The following SIPA1L3 variants were observed in gnomAD, a reference collection of about 807,000 sequenced individuals.
The protein encoded by SIPA1L3 is signal induced proliferation associated 1 like 3, also known as signal-induced proliferation-associated 1-like protein 3.
SIPA1L3 carries 59 observed loss-of-function variants against 150.1 expected under a neutral mutation model. The observed-to-expected ratio is 0.39, with a 90% CI of 0.32 to 0.49. The LOEUF (loss-of-function observed/expected upper bound fraction) is 0.49, where lower values mean the gene tolerates loss of function less well. SIPA1L3 is among the 20% of genes least tolerant of loss of function. SIPA1L3 has a pLI of 0.86. For missense variants in SIPA1L3, 2,211 were observed against 2,489.5 expected, an observed-to-expected ratio of 0.89 and a Z score of 2.38; for synonymous variants, 1,070 against 1,077.6, an observed-to-expected ratio of 0.99 and a Z score of 0.14.
At chr19:37,948,268 C>T (rs1219018364) in intron 1 of SIPA1L3, among the ~76,000 whole-genome samples, 1 of 152,042 alleles carries the variant, frequency 6.6e-6, no homozygotes, top group Non-Finnish European at 1.5e-5. Flanking sequence ...TGAGAAGAGC[C>T]CAGCCTGGGC....
chr19:37,953,309 C>T (rs751047151), intron 1 of SIPA1L3, among the ~76,000 whole-genome samples: 7 of 152,136 alleles, frequency 4.6e-5, no homozygotes, highest in Non-Finnish European at 5.9e-5. Context: ...CCTGGCGTAT[C>T]GCATCATGTT....
At chr19:38,197,967 A>G (rs1972999969) in intron 18 of SIPA1L3, among the ~76,000 whole-genome samples, 1 of 147,660 alleles carries the variant, frequency 6.8e-6, no homozygotes, top group South Asian at 2.1e-4. Context: ...TGGGACCCAC[A>G]GGCCCCACAC....
chr19:38,166,846 A>G (rs942660513), intron 15 of SIPA1L3, among the ~76,000 whole-genome samples: 3 of 151,744 alleles, frequency 2.0e-5, no homozygotes, highest in African/African-American at 7.3e-5. Context: ...GCCTCTCTCC[A>G]CACAGGACAC....
intron 15 of SIPA1L3, among the ~76,000 whole-genome samples, chr19:38,166,283 G>A (rs1017450783): frequency 4.0e-5 from 6 of 151,462 alleles, no homozygotes; most frequent in African/African-American, 1.5e-4. Context: ...GTGAAACCCC[G>A]TCTCTACTTA....
chr19:38,142,596 C>G lies in SIPA1L3; in HGVS notation c.3419C>G (p.Pro1140Arg). Reference protein sequence around the residue: ...SKRPVSFPETPYTVSPAGADR... With the variant: ...SKRPVSFPETRYTVSPAGADR... ...AGGCCTGTCAGCTTCCCAGAAACCCCTTACACAGTATCACCAGCAGGGGCC... is the reference window on the plus strand; with the variant it reads ...AGGCCTGTCAGCTTCCCAGAAACCCGTTACACAGTATCACCAGCAGGGGCC... The change falls in exon 12 of 22, where the codon CCT becomes CGT. Residue 1140 changes from proline to arginine, a missense_variant. Physicochemically the swap from Pro to Arg is moderately radical, Grantham distance 103. Coordinates refer to ENST00000222345, the MANE Select transcript of SIPA1L3 (RefSeq NM_015073.3). 6.2e-7 allele frequency: 1 copy of G among 1,613,874 alleles called. No individual in the cohort carries two copies. The highest frequency in any genetic ancestry group is 8.5e-7 in the Non-Finnish European group (1 of 1,179,864).
intron 6 of SIPA1L3, among the ~76,000 whole-genome samples, chr19:38,103,085 T>C (rs925494267): frequency 1.7e-4 from 25 of 150,834 alleles, no homozygotes; most frequent in Admixed American, 4.0e-4. Context: ...ACCGCACCAT[T>C]GCACTCCAGC....
At chr19:37,941,983 T>C (rs1599820933) in intron 1 of SIPA1L3, among the ~76,000 whole-genome samples, 1 of 152,306 alleles carries the variant, frequency 6.6e-6, no homozygotes, top group Admixed American at 6.5e-5. Context: ...TTGGGATCAG[T>C]TATTCATTAT....
chr19:38,098,464 GGCT>G (rs1444146562), intron 4 of SIPA1L3, among the ~76,000 whole-genome samples: 1 of 141,670 alleles, frequency 7.1e-6, no homozygotes, highest in African/African-American at 2.7e-5. Flanking sequence ...GCACAATCTT[GGCT>G]CACTGCAACC....
chr19:38,014,494 C>CCAA (rs1334557411), intron 1 of SIPA1L3, among the ~76,000 whole-genome samples: 1 of 151,834 alleles, frequency 6.6e-6, no homozygotes, highest in Non-Finnish European at 1.5e-5. Context: ...CACGTCCACC[C>CCAA]CAAGCTCAGC....
rs2145937989 is a variant in SIPA1L3, at chr19:38,140,476, A to G, written c.3144-708A>G. Among the ~76,000 whole-genome samples the G allele has an allele frequency of 2.6e-5, 4 of 152,062 alleles. No individual in the cohort carries two copies. In the Middle Eastern group the frequency reaches 0.014, roughly 517 times the overall value. The stretch of plus-strand genomic sequence containing the variant: ...GCTGCCTTTAAGATTCTTTGGAACA[A>G]GGCAGTTACTGTCCTTTGATTCTGA... On this transcript the variant is annotated intron_variant, in intron 10 of 21. Coordinates refer to ENST00000222345, the MANE Select transcript of SIPA1L3 (RefSeq NM_015073.3).
intron 4 of SIPA1L3, among the ~76,000 whole-genome samples, chr19:38,098,587 G>T (rs1970432312): frequency 1.3e-5 from 2 of 151,990 alleles, no homozygotes; most frequent in Admixed American, 1.3e-4. Flanking sequence ...TGGAGACAGG[G>T]TTTTGCCATG....
At chr19:37,914,137 C>T (rs963889523) in intron 1 of SIPA1L3, among the ~76,000 whole-genome samples, 4 of 151,504 alleles carry the variant, frequency 2.6e-5, no homozygotes, top group Admixed American at 6.6e-5. Context: ...GGCAAGATGG[C>T]GGTGGTTACC....
chr19:37,937,027 A>G (rs764121083), intron 1 of SIPA1L3, among the ~76,000 whole-genome samples: 5 of 151,940 alleles, frequency 3.3e-5, no homozygotes, highest in African/African-American at 1.2e-4. Flanking sequence ...TGGTTGGCTA[A>G]TTTTTTTCAT....
chr19:37,924,909 C>T (rs1449130129), intron 1 of SIPA1L3, among the ~76,000 whole-genome samples: 1 of 151,146 alleles, frequency 6.6e-6, no homozygotes, highest in Non-Finnish European at 1.5e-5. Flanking sequence ...ATTAGCTGGG[C>T]GACGTGGCGT....
chr19:37,925,415 T>C (rs2046494460), intron 1 of SIPA1L3, among the ~76,000 whole-genome samples: 1 of 151,934 alleles, frequency 6.6e-6, no homozygotes, highest in African/African-American at 2.4e-5. Context: ...GCAAAGGCCC[T>C]GAGGTGAGGG....
chr19:38,174,133 C>CA (rs1222923136), intron 15 of SIPA1L3, among the ~76,000 whole-genome samples: 5 of 152,110 alleles, frequency 3.3e-5, no homozygotes, highest in African/African-American at 1.2e-4. Flanking sequence ...GCCGCTCTGA[C>CA]AATACAGGTG....
At chr19:38,132,530 G>T (rs902922743) in intron 10 of SIPA1L3, among the ~76,000 whole-genome samples, 2 of 147,120 alleles carry the variant, frequency 1.4e-5, no homozygotes, top group African/African-American at 5.1e-5. Context: ...GTTGCGGTGA[G>T]CTGAGATCGT....
At chr19:37,959,856 G>A (rs1469257155) in intron 1 of SIPA1L3, among the ~76,000 whole-genome samples, 1 of 145,830 alleles carries the variant, frequency 6.9e-6, no homozygotes, top group Non-Finnish European at 1.5e-5. Context: ...AGGGATCACA[G>A]CATGCGTCTA....
intron 16 of SIPA1L3, among the ~76,000 whole-genome samples, chr19:38,190,191 A>G (rs1243133742): frequency 6.6e-6 from 1 of 151,982 alleles, no homozygotes; most frequent in Non-Finnish European, 1.5e-5. Flanking sequence ...GCCTGTGGGC[A>G]GTGCACTGGC....
Sources: gnomAD v4.1 joint callset for allele counts (sites outside exome capture counted in the v4.1 genomes callset) on GRCh38, gnomAD v4.1.1 for gene constraint, MANE v1.5 for transcripts, NCBI Gene and HGNC (gene_info 2026-07-23, HGNC 2026-07-21) for gene names.